Variants in SGIP1 observed in about 807,000 individuals in gnomAD.
SGIP1 encodes SH3-containing GRB2-like protein 3-interacting protein 1.
Under a neutral mutation model 107.5 loss-of-function variants are expected in SGIP1, and 38 were observed. That is an observed-to-expected ratio of 0.35 (90% CI 0.27 to 0.46). SGIP1 has a LOEUF of 0.46. SGIP1 is among the 20% of genes least tolerant of loss of function. The pLI is 1.00. For missense variants in SGIP1, 929 were observed against 1,019.5 expected, an observed-to-expected ratio of 0.91 and a Z score of 1.21; for synonymous variants, 365 against 366.1, an observed-to-expected ratio of 1.00 and a Z score of 0.03.
chr1:66,607,661 C>G (rs568883334), intron 1 of SGIP1, among the ~76,000 whole-genome samples: 1 of 152,152 alleles, frequency 6.6e-6, no homozygotes, highest in African/African-American at 2.4e-5. Context: ...GCCCCACCCC[C>G]CTACACCATC....
At chr1:66,742,978 T>A in intron 24 of SGIP1, 95 bp from the exon 25 acceptor site, 1 of 1,265,636 alleles carries the variant, frequency 7.9e-7, no homozygotes. Flanking sequence ...ATCTGGCTCC[T>A]AGGGGTAGGG....
intron 1 of SGIP1, among the ~76,000 whole-genome samples, chr1:66,611,762 CT>C (rs1236186247): frequency 6.6e-6 from 1 of 152,086 alleles, no homozygotes; most frequent in Non-Finnish European, 1.5e-5. Flanking sequence ...ATCAAAGATA[CT>C]TCTTAGGTTT....
At chr1:66,556,814 G>A (rs889118274) in intron 1 of SGIP1, among the ~76,000 whole-genome samples, 1 of 152,024 alleles carries the variant, frequency 6.6e-6, no homozygotes, top group Non-Finnish European at 1.5e-5. Flanking sequence ...CCCCCCATTG[G>A]TTAGTTAACC....
chr1:66,570,529 T>A (rs866284793), intron 1 of SGIP1, among the ~76,000 whole-genome samples: 1 of 151,972 alleles, frequency 6.6e-6, no homozygotes, highest in South Asian at 2.1e-4. Context: ...TCTTCCCAAC[T>A]ATTTGATCTT....
At chr1:66,585,705 G>C (rs553066239) in intron 1 of SGIP1, among the ~76,000 whole-genome samples, 3 of 152,004 alleles carry the variant, frequency 2.0e-5, no homozygotes, top group Non-Finnish European at 4.4e-5. Flanking sequence ...GGCGAGGCTG[G>C]TCTTGAGCTC....
intron 21 of SGIP1, among the ~76,000 whole-genome samples, chr1:66,734,653 C>T (rs540107543): frequency 2.4e-4 from 36 of 151,880 alleles, no homozygotes; most frequent in African/African-American, 8.5e-4. Context: ...TACAGGCATG[C>T]ACCACCAAGC....
At chr1:66,707,427 T>A (rs913104208) in intron 18 of SGIP1, among the ~76,000 whole-genome samples, 11 of 152,196 alleles carry the variant, frequency 7.2e-5, no homozygotes, top group African/African-American at 2.7e-4. Context: ...GACCTCTTTA[T>A]ACTCTTTGCA....
intron 21 of SGIP1, among the ~76,000 whole-genome samples, chr1:66,738,875 C>CA (rs1439080022): frequency 6.6e-6 from 1 of 151,976 alleles, no homozygotes; most frequent in Non-Finnish European, 1.5e-5. Context: ...GAGTGTTTCA[C>CA]AAAAAAACAC....
intron 1 of SGIP1, among the ~76,000 whole-genome samples, chr1:66,570,268 G>A (rs2060204211): frequency 6.6e-6 from 1 of 151,734 alleles, no homozygotes; most frequent in Non-Finnish European, 1.5e-5. Context: ...TATCATCCTA[G>A]GAACTTTTTG....
At chr1:66,740,849 A>T (rs764675640) in intron 23 of SGIP1, 127 bp downstream of exon 23, 120 of 644,260 alleles carry the variant, frequency 1.9e-4, no homozygotes, top group Non-Finnish European at 2.9e-4. Context: ...TTTTGCGTTT[A>T]CTTATTTCAA....
chr1:66,660,943 C>T (rs182745543), intron 8 of SGIP1, among the ~76,000 whole-genome samples: 5 of 152,206 alleles, frequency 3.3e-5, no homozygotes, highest in African/African-American at 4.8e-5. Flanking sequence ...GAAGCTGGCC[C>T]GGGAATGGGG....
chr1:66,605,166 T>A (rs1177829440), intron 1 of SGIP1, among the ~76,000 whole-genome samples: 1 of 152,180 alleles, frequency 6.6e-6, no homozygotes, highest in Non-Finnish European at 1.5e-5. Flanking sequence ...TTTAGCCCCA[T>A]CTCCTGTCAC....
intron 1 of SGIP1, among the ~76,000 whole-genome samples, chr1:66,588,105 C>A (rs2062923922): frequency 6.6e-6 from 1 of 152,118 alleles, no homozygotes; most frequent in Non-Finnish European, 1.5e-5. Flanking sequence ...GAAGTATGCT[C>A]TGTTTGTTAT....
chr1:66,703,370 G>A (rs115982905), intron 18 of SGIP1, among the ~76,000 whole-genome samples: 1,859 of 152,196 alleles, frequency 0.012, 39 homozygotes, highest in African/African-American at 0.043. Flanking sequence ...CTACCCTGAA[G>A]CAATATAACA....
intron 9 of SGIP1, among the ~76,000 whole-genome samples, chr1:66,668,961 T>G (rs1490136599): frequency 6.6e-6 from 1 of 152,230 alleles, no homozygotes; most frequent in South Asian, 2.1e-4. Flanking sequence ...CACCTCAGTC[T>G]TTTTCTAGAT....
intron 1 of SGIP1, among the ~76,000 whole-genome samples, chr1:66,556,118 T>A (rs2058138711): frequency 6.6e-6 from 1 of 152,100 alleles, no homozygotes. Flanking sequence ...TAAGTCAGCC[T>A]CTCTGGTCAA....
chr1:66,639,290 G>C (rs1467964071), intron 4 of SGIP1, among the ~76,000 whole-genome samples: 1 of 152,112 alleles, frequency 6.6e-6, no homozygotes, highest in African/African-American at 2.4e-5. Flanking sequence ...TTTATCAAGG[G>C]GGTAGTTACA....
chr1:66,612,698 T>G (rs2068289873), intron 1 of SGIP1, among the ~76,000 whole-genome samples: 1 of 151,948 alleles, frequency 6.6e-6, no homozygotes, highest in Non-Finnish European at 1.5e-5. Flanking sequence ...GATTAAATGA[T>G]TTTTTTTGAT....
intron 14 of SGIP1, 51 bp downstream of exon 14, chr1:66,679,803 G>A (rs1305974139): frequency 6.7e-7 from 1 of 1,481,902 alleles, no homozygotes; most frequent in East Asian, 2.6e-5. Flanking sequence ...CAGAGCAGTG[G>A]CCCCGGATGA....
Sources: allele counts gnomAD v4.1 joint callset (sites outside exome capture counted in the v4.1 genomes callset), GRCh38; gene constraint gnomAD v4.1.1; transcripts MANE v1.5; gene names NCBI Gene and HGNC (gene_info 2026-07-23, HGNC 2026-07-21).